RBMS3: variants seen among roughly 807,000 people sequenced by gnomAD.
RBMS3 encodes RNA-binding motif, single-stranded-interacting protein 3.
Under a neutral mutation model 66.8 loss-of-function variants are expected in RBMS3, and 27 were observed. The ratio of observed to expected loss-of-function variants is 0.40; its 90% CI spans 0.30 to 0.56. The LOEUF is 0.56. RBMS3 is among the 20% of genes least tolerant of loss of function. The pLI is 0.40. For missense variants in RBMS3, 513 were observed against 549.5 expected (o/e 0.93, Z 0.66); for synonymous variants, 188 against 183.0 (o/e 1.03, Z -0.22).
At chr3:29,300,494 TATA>T (rs1224488454) in intron 1 of RBMS3, among the ~76,000 whole-genome samples, 4 of 151,964 alleles carry the variant, frequency 2.6e-5, no homozygotes, top group Non-Finnish European at 4.4e-5. Flanking sequence ...TGAATATGGA[TATA>T]ATGACTGAGG....
chr3:29,990,260 T>A (rs1014834826), intron 13 of RBMS3, among the ~76,000 whole-genome samples: 2 of 144,450 alleles, frequency 1.4e-5, no homozygotes, highest in East Asian at 5.5e-4. Context: ...AGCGACAGAA[T>A]TAACCAAGAA....
intron 3 of RBMS3, among the ~76,000 whole-genome samples, chr3:29,576,829 G>A (rs2047139191): frequency 6.6e-6 from 1 of 152,126 alleles, no homozygotes. Flanking sequence ...TGACTCTTCA[G>A]TCAGCTTGTG....
At chr3:29,693,639 T>C (rs1224069980) in intron 4 of RBMS3, among the ~76,000 whole-genome samples, 16 of 152,192 alleles carry the variant, frequency 1.1e-4, no homozygotes, top group Non-Finnish European at 2.9e-5. Flanking sequence ...TATTAGCATA[T>C]AAGAAAGCTT....
At chr3:29,519,227 T>C (rs2044758139) in intron 3 of RBMS3, among the ~76,000 whole-genome samples, 1 of 152,136 alleles carries the variant, frequency 6.6e-6, no homozygotes, top group Non-Finnish European at 1.5e-5. Flanking sequence ...TAGAAACTTA[T>C]CCAAGAGAAG....
intron 3 of RBMS3, among the ~76,000 whole-genome samples, chr3:29,539,287 T>C (rs1158436460): frequency 6.6e-6 from 1 of 152,224 alleles, no homozygotes; most frequent in Non-Finnish European, 1.5e-5. Context: ...GCCTTCCTTG[T>C]TTTTAAAGGT....
At position 29,624,753 on chromosome 3, in the gene RBMS3, C is replaced by T. The variant is rs552900244; in HGVS notation, c.399+37548C>T. Among the ~76,000 whole-genome samples the T allele has an allele frequency of 7.9e-5, 12 of 152,046 alleles. No homozygotes were observed. In the South Asian group the frequency reaches 2.5e-3, roughly 32 times the overall value. The stretch of plus-strand genomic sequence containing the variant: ...ATAGGTATAAACATATTCTTTGTTT[C>T]CCAAAGAATTTTCAGTATATGATGA... On this transcript the variant is annotated intron_variant, in intron 4 of 14. Coordinates refer to ENST00000383767, the MANE Select transcript of RBMS3 (RefSeq NM_001003793.3).
chr3:29,474,835 G>A (rs1297139362), intron 2 of RBMS3, among the ~76,000 whole-genome samples: 3 of 152,110 alleles, frequency 2.0e-5, no homozygotes, highest in Non-Finnish European at 2.9e-5. Context: ...GAAAATTCTT[G>A]GCTGTTGGAA....
intron 1 of RBMS3, among the ~76,000 whole-genome samples, chr3:29,356,452 A>ATAG (rs1193997949): frequency 5.3e-5 from 8 of 152,198 alleles, no homozygotes; most frequent in Admixed American, 2.0e-4. Context: ...CTGTGAATAA[A>ATAG]TAGTAGTATC....
At position 29,532,874 on chromosome 3, in the gene RBMS3, A is replaced by C. The variant is rs75260628; in HGVS notation, c.307+44375A>C. On this transcript the variant is annotated intron_variant, in intron 3 of 14. Transcript: ENST00000383767. ...CTTTTCACTTCTGTGAAGTGAAAAAAAATCAGAAAAGCATGGCTCCTAAAA... is the reference window on the plus strand; with the variant it reads ...CTTTTCACTTCTGTGAAGTGAAAAACAATCAGAAAAGCATGGCTCCTAAAA... Among the ~76,000 whole-genome samples, 283 of 152,260 alleles carry C rather than the reference A, an allele frequency of 1.9e-3. 2 individuals are homozygous for C. Among genetic ancestry groups the C allele is most frequent in the African/African-American group, 6.5e-3 (271 of 41,550 alleles).
chr3:29,972,220 C>T (rs1159802150), intron 12 of RBMS3, among the ~76,000 whole-genome samples: 2 of 151,704 alleles, frequency 1.3e-5, no homozygotes, highest in African/African-American at 2.4e-5. Flanking sequence ...ACTTTGAACT[C>T]CTCACAGTCT....
intron 3 of RBMS3, among the ~76,000 whole-genome samples, chr3:29,517,436 C>T (rs1012971900): frequency 6.6e-6 from 1 of 151,864 alleles, no homozygotes; most frequent in African/African-American, 2.4e-5. Context: ...CATTCTCCTG[C>T]CTTAGCCTTC....
intron 1 of RBMS3, among the ~76,000 whole-genome samples, chr3:29,431,503 G>T (rs1009464970): frequency 1.6e-4 from 25 of 151,982 alleles, no homozygotes; most frequent in African/African-American, 5.8e-4. Flanking sequence ...ATGTTGGCCA[G>T]GATGGTCTTG....
At chr3:29,646,828 T>C (rs2049941377) in intron 4 of RBMS3, among the ~76,000 whole-genome samples, 1 of 152,180 alleles carries the variant, frequency 6.6e-6, no homozygotes, top group South Asian at 2.1e-4. Flanking sequence ...TATTCTGTTT[T>C]TGGAATCTCC....
At chr3:29,499,238 G>A (rs940342403) in intron 3 of RBMS3, among the ~76,000 whole-genome samples, 2 of 152,104 alleles carry the variant, frequency 1.3e-5, no homozygotes, top group Non-Finnish European at 2.9e-5. Flanking sequence ...TTAAGGCATG[G>A]TCAATCATCA....
chr3:29,467,342 C>G (rs1278232212), intron 2 of RBMS3, among the ~76,000 whole-genome samples: 1 of 152,154 alleles, frequency 6.6e-6, no homozygotes, highest in Non-Finnish European at 1.5e-5. Context: ...GTTATCTTGA[C>G]TCTTAACACA....
At chr3:29,864,998 GA>G in intron 6 of RBMS3, among the ~76,000 whole-genome samples, 1 of 124,076 alleles carries the variant, frequency 8.1e-6, no homozygotes, top group East Asian at 3.0e-4. Context: ...GGAAGGAAGG[GA>G]AGGGAAAGGA....
At chr3:29,468,365 T>A (rs2042609546) in intron 2 of RBMS3, among the ~76,000 whole-genome samples, 1 of 152,114 alleles carries the variant, frequency 6.6e-6, no homozygotes, top group Non-Finnish European at 1.5e-5. Flanking sequence ...CTGCACACAA[T>A]ACCCATATGT....
intron 1 of RBMS3, among the ~76,000 whole-genome samples, chr3:29,410,261 A>G (rs1350700034): frequency 1.3e-5 from 2 of 152,232 alleles, no homozygotes; most frequent in Non-Finnish European, 2.9e-5. Flanking sequence ...ACAAAGTGCC[A>G]CCACTGAACT....
chr3:29,321,206 T>C (rs2034990294), intron 1 of RBMS3, among the ~76,000 whole-genome samples: 1 of 152,084 alleles, frequency 6.6e-6, no homozygotes, highest in Non-Finnish European at 1.5e-5. Context: ...TTCCAAACTT[T>C]TATGATATAT....
Sources: gnomAD v4.1 joint callset for allele counts (sites outside exome capture counted in the v4.1 genomes callset) on GRCh38, gnomAD v4.1.1 for gene constraint, MANE v1.5 for transcripts, NCBI Gene and HGNC (gene_info 2026-07-23, HGNC 2026-07-21) for gene names.